Variants in C1QC observed in about 807,000 individuals in gnomAD.
C1QC encodes the protein complement C1q C chain.
Under a neutral mutation model 5.9 loss-of-function variants are expected in C1QC, and 4 were observed. The observed-to-expected ratio is 0.68, with a 90% CI of 0.33 to 1.55. The LOEUF is 1.55. Ranked by LOEUF, C1QC falls within the 40% of genes most tolerant of loss-of-function variation. C1QC has a pLI of 0.06. For synonymous variants in C1QC, 166 were observed against 153.8 expected (o/e 1.08, Z -0.59); for missense variants, 299 against 326.9 (o/e 0.91, Z 0.66).
chr1:22,644,284 G>C, intron 2 of C1QC, 80 bp downstream of exon 2: 1 of 1,445,612 alleles, frequency 6.9e-7, no homozygotes. Context: ...CAAGGGGGCG[G>C]GGGACAGCAG....
intron 2 of C1QC, among the ~76,000 whole-genome samples, chr1:22,646,774 G>T (rs1642375379): frequency 6.6e-6 from 1 of 152,216 alleles, no homozygotes; most frequent in Admixed American, 6.5e-5. Flanking sequence ...TGTCAAGAAG[G>T]TCTGAGAATT....
At position 22,647,585 on chromosome 1, in the gene C1QC, G is replaced by A. The variant is rs1330242302; in HGVS notation, c.540G>A (p.Val180=). The change falls in exon 3 of 3, where the codon GTG becomes GTA. Residue 180 remains valine (V), a synonymous_variant. Transcript: ENST00000374640. ...CGTCGCATACAGCCAACCTGTGCGTGCTGCTGTACCGCAGCGGCGTCAAAG... is the reference window on the plus strand; with the variant it reads ...CGTCGCATACAGCCAACCTGTGCGTACTGCTGTACCGCAGCGGCGTCAAAG... The part of the protein sequence containing the change: ...YHASHTANLC[V]LLYRSGVKVV... 1 of 1,614,116 alleles carries A rather than the reference G, an allele frequency of 6.2e-7. No individual in the cohort carries two copies. Among genetic ancestry groups the A allele is most frequent in the Non-Finnish European group, 8.5e-7 (1 of 1,180,058 alleles).
In C1QC at chr1:22,644,023, G is replaced by C. The variant is rs201727881; in HGVS notation, c.-1G>C. ...CTCTCCCTCCCAGTTCCTTCTCCGG[G>C]ATGGACGTGGGGCCCAGCTCCCTGC... On this transcript the variant is annotated 5_prime_UTR_variant, in exon 2 of 3. Coordinates refer to ENST00000374640, the MANE Select transcript of C1QC (RefSeq NM_172369.5). The C allele has an allele frequency of 3.8e-6, 6 of 1,592,638 alleles. No individual in the cohort carries two copies. Among genetic ancestry groups the C allele is most frequent in the African/African-American group, 1.3e-5 (1 of 74,912 alleles).
chr1:22,647,184 G>T, intron 2 of C1QC, 43 bp from the exon 3 acceptor site: 3 of 1,596,480 alleles, frequency 1.9e-6, no homozygotes, highest in Non-Finnish European at 2.5e-6. Flanking sequence ...CCTCCTCCCT[G>T]TCCCCCACCC....
In C1QC at chr1:22,643,712, C is replaced by T; in HGVS notation, c.-16C>T. 8.3e-7 allele frequency: 1 copy of T among 1,200,432 alleles called. No homozygotes were observed. The highest frequency in any genetic ancestry group is 1.0e-6 in the Non-Finnish European group (1 of 965,932). 74.4% of individuals were successfully genotyped at this position (1,200,432 alleles called of 1,614,324 possible). Reference sequence around the variant, plus strand: ...TGCCAGGCCAGAAACCGCCCACCTGCAGGTGAGGCCCGGACCCCTGCCCAG... The same window carrying T: ...TGCCAGGCCAGAAACCGCCCACCTGTAGGTGAGGCCCGGACCCCTGCCCAG... On this transcript the variant is annotated splice_region_variant and 5_prime_UTR_variant, in exon 1 of 3. Coordinates refer to ENST00000374640, the MANE Select transcript of C1QC (RefSeq NM_172369.5).
intron 1 of C1QC, 58 bp from the exon 2 acceptor site, chr1:22,643,953 G>T (rs1642319174): frequency 6.5e-7 from 1 of 1,539,380 alleles, no homozygotes; most frequent in Admixed American, 1.9e-5. Flanking sequence ...CCTGGGGAAT[G>T]AGAGGGTTGG....
At position 22,647,827 on chromosome 1, in the gene C1QC, C is replaced by A; in HGVS notation, c.*44C>A. 6.3e-7 allele frequency: 1 copy of A among 1,597,252 alleles called. No individual in the cohort carries two copies. Among genetic ancestry groups the A allele is most frequent in the Non-Finnish European group, 8.5e-7 (1 of 1,179,272 alleles). On this transcript the variant is annotated 3_prime_UTR_variant, in exon 3 of 3. Coordinates refer to ENST00000374640, the MANE Select transcript of C1QC (RefSeq NM_172369.5). ...AGCCCCACGGGCCTTCCACCTCCCT[C>A]AGCTTCCTGCATGGACCCACCTTAC...
rs1642316248 is a variant in C1QC at position 22,643,815 on chromosome 1, G to A, written c.-14+101G>A. Reference sequence around the variant, plus strand: ...TGCCAGGGGCAGCTTGGTGTGTGAGGGGAAGGAGGGTTCCCACTCCTGCTG... The same window carrying A: ...TGCCAGGGGCAGCTTGGTGTGTGAGAGGAAGGAGGGTTCCCACTCCTGCTG... On this transcript the variant is annotated intron_variant, in intron 1 of 2. Transcript: ENST00000374640. The A allele has an allele frequency of 4.4e-6, 6 of 1,357,910 alleles. No homozygotes were observed. The East Asian group carries it at 1.7e-4, about 39-fold the overall frequency. 84.1% of individuals were successfully genotyped at this position (1,357,910 alleles called of 1,614,324 possible).
chr1:22,648,017 C>A lies in C1QC; in HGVS notation c.*234C>A, dbSNP rs1240994073. The A allele has an allele frequency of 2.6e-5, 14 of 534,662 alleles. No individual in the cohort carries two copies. Among genetic ancestry groups the A allele is most frequent in the Non-Finnish European group, 3.9e-5 (12 of 304,392 alleles). 33.1% of individuals were successfully genotyped at this position (534,662 alleles called of 1,614,324 possible). A position where few individuals can be genotyped will look rare whatever the true frequency, so the allele number is the denominator to read the frequency against. ...TTGTGTGGTTCCTGGGACACTTAAC[C>A]AATGCCTTCTGGTACTGCCATTCTT... On this transcript the variant is annotated 3_prime_UTR_variant, in exon 3 of 3. Coordinates refer to ENST00000374640, the MANE Select transcript of C1QC (RefSeq NM_172369.5).
rs146998562 is a variant in C1QC at position 22,644,122 on chromosome 1, C to T, written c.99C>T (p.Tyr33=). The change falls in exon 2 of 3, where the codon TAC becomes TAT. Residue 33 remains tyrosine, a synonymous_variant. Coordinates refer to ENST00000374640, the MANE Select transcript of C1QC (RefSeq NM_172369.5). ...GGGGCCAAGCCAACACAGGCTGCTA[C>T]GGGATCCCAGGGATGCCCGGCCTGC... ...PLRGQANTGC[Y]GIPGMPGLPG... is the part of the protein sequence containing the mutation. 2.3e-5 allele frequency: 36 copies of T among 1,583,378 alleles called. No homozygotes were observed. The highest frequency in any genetic ancestry group is 4.6e-5 in the South Asian group (4 of 86,298).
At chr1:22,646,819 T>C (rs1045221662) in intron 2 of C1QC, among the ~76,000 whole-genome samples, 3 of 152,266 alleles carry the variant, frequency 2.0e-5, no homozygotes, top group Non-Finnish European at 4.4e-5. Flanking sequence ...TTGTTCATGT[T>C]GGGCTCCAAT....
chr1:22,647,674 G>A lies in C1QC; in HGVS notation c.629G>A (p.Arg210Lys), dbSNP rs1411223195. The A allele has an allele frequency of 6.2e-7, 1 of 1,610,394 alleles. No homozygotes were observed. The highest frequency in any genetic ancestry group is 8.5e-7 in the Non-Finnish European group (1 of 1,179,638). The change falls in exon 3 of 3, where the codon AGG (arginine) becomes AAG (lysine). Residue 210 changes from arginine (R) to lysine (K), a missense_variant. Transcript: ENST00000374640. ...GTCAACTCGGGCGGTGTGCTGCTGA[G>A]GTTGCAGGTGGGCGAGGAGGTGTGG... ...NQVNSGGVLL[R>K]LQVGEEVWLA... is the part of the protein sequence containing the mutation.
At position 22,647,265 on chromosome 1, in the gene C1QC, C is replaced by T. The variant is rs745444021; in HGVS notation, c.220C>T (p.Gln74Ter). 6.2e-7 allele frequency: 1 copy of T among 1,610,858 alleles called. No individual in the cohort carries two copies. The highest frequency in any genetic ancestry group is 8.5e-7 in the Non-Finnish European group (1 of 1,179,982). Residue 74 changes from glutamine (Q) to a stop codon, truncating the protein, a stop_gained, in exon 3 of 3, where the codon CAG (glutamine) becomes TAG (stop). Coordinates refer to ENST00000374640, the MANE Select transcript of C1QC (RefSeq NM_172369.5). LOFTEE classifies it low-confidence loss of function (END_TRUNC). ...TCCCGGGATCCGAGGACCCAAAGGGCAGAAGGGAGAACCCGGCTTACCCGG... is the reference window on the plus strand; with the variant it reads ...TCCCGGGATCCGAGGACCCAAAGGGTAGAAGGGAGAACCCGGCTTACCCGG... ...AIPGIRGPKG[Q>*]KGEPGLPGHP...
intron 2 of C1QC, among the ~76,000 whole-genome samples, chr1:22,645,605 C>T (rs294183): frequency 0.51 from 77,474 of 152,024 alleles, 22,486 homozygotes; most frequent in African/African-American, 0.8. Context: ...AAGGATGAGA[C>T]GCTGCTCTGC....
intron 2 of C1QC, among the ~76,000 whole-genome samples, chr1:22,646,067 T>C (rs550785693): frequency 6.6e-6 from 1 of 152,064 alleles, no homozygotes; most frequent in African/African-American, 2.4e-5. Context: ...TGGAACAGAG[T>C]GAGACACTGG....
Position 22,647,880 on chromosome 1 carries a change from A to G in C1QC, c.*97A>G, listed in dbSNP as rs566916897. ...GCCAGTCTGCATCCTTGCCTAGACC[A>G]TTCTCCCCACCAGATGGACTTCTCC... is the stretch of plus-strand genomic sequence containing the variant. On this transcript the variant is annotated 3_prime_UTR_variant, in exon 3 of 3. Coordinates refer to ENST00000374640, the MANE Select transcript of C1QC (RefSeq NM_172369.5). 7 of 1,520,024 alleles carry G rather than the reference A, an allele frequency of 4.6e-6. No individual in the cohort carries two copies. In the East Asian group the frequency reaches 1.2e-4, roughly 25 times the overall value. The allele number at this position is 1,520,024 out of a possible 1,614,324, so 94.2% of individuals were successfully genotyped here.
Position 22,647,452 on chromosome 1 carries a change from G to A in C1QC, c.407G>A (p.Ser136Asn). Residue 136 changes from serine to asparagine, a missense_variant, in exon 3 of 3, where the codon AGC (serine) becomes AAC (asparagine). Ser to Asn is a conservative substitution (Grantham distance 46, BLOSUM62 1). Transcript: ENST00000374640. Reference protein sequence around the residue: ...RQTHQPPAPNSLIRFNAVLTN... With the variant: ...RQTHQPPAPNNLIRFNAVLTN... ...ACCCACCAGCCCCCTGCACCCAACA[G>A]CCTGATCAGATTCAACGCGGTCCTC... is the stretch of plus-strand genomic sequence containing the variant. The A allele has an allele frequency of 6.2e-7, 1 of 1,614,150 alleles. No homozygotes were observed.
Position 22,647,343 on chromosome 1 carries a change from G to A in C1QC, c.298G>A (p.Gly100Ser), listed in dbSNP as rs1570084898. The A allele has an allele frequency of 3.7e-6, 6 of 1,613,960 alleles. No individual in the cohort carries two copies. The highest frequency in any genetic ancestry group is 4.2e-6 in the Non-Finnish European group (5 of 1,179,986). ...ACCCCCTGGGATGCCAGGGGTGCCC[G>A]GCCCCATGGGCATCCCTGGAGAGCC... ...MGPPGMPGVPGPMGIPGEPGE... is the reference protein window; with the variant it reads ...MGPPGMPGVPSPMGIPGEPGE... Residue 100 changes from glycine (G) to serine (S), a missense_variant, in exon 3 of 3, where the codon GGC becomes AGC. Gly to Ser is a moderately conservative substitution (Grantham distance 56). Coordinates refer to ENST00000374640, the MANE Select transcript of C1QC (RefSeq NM_172369.5).
chr1:22,647,163 C>A, intron 2 of C1QC, 64 bp from the exon 3 acceptor site: 1 of 1,570,230 alleles, frequency 6.4e-7, no homozygotes, highest in South Asian at 1.1e-5. Context: ...CTGGAAGACA[C>A]CCTCAGGGTC....
Sources: allele counts gnomAD v4.1 joint callset (sites outside exome capture counted in the v4.1 genomes callset), GRCh38; gene constraint gnomAD v4.1.1; transcripts MANE v1.5; gene names NCBI Gene and HGNC (gene_info 2026-07-23, HGNC 2026-07-21).